PLCB1: variants seen among roughly 807,000 people sequenced by gnomAD.
The protein encoded by PLCB1 is 1-phosphatidylinositol 4,5-bisphosphate phosphodiesterase beta-1.
A neutral mutation model predicts 161.8 loss-of-function variants in PLCB1; 46 were observed. The observed-to-expected ratio is 0.28, with a 90% confidence interval of 0.22 to 0.36. The LOEUF (loss-of-function observed/expected upper bound fraction) is 0.36, where lower values mean the gene tolerates loss of function less well. Among genes scored for constraint, PLCB1 ranks in the 10% least tolerant of loss-of-function variants. The probability of loss-of-function intolerance (pLI) is 1.00; values close to 1 mark genes in which losing one functional copy is unlikely to be tolerated. For missense variants in PLCB1, 1,016 were observed against 1,472.5 expected (o/e 0.69, Z 5.07); for synonymous variants, 517 against 503.7 (o/e 1.03, Z -0.35).
At chr20:8,248,236 A>T (rs1022765180) in intron 2 of PLCB1, among the ~76,000 whole-genome samples, 1 of 151,924 alleles carries the variant, frequency 6.6e-6, no homozygotes, top group African/African-American at 2.4e-5. Context: ...GAGGCAAGGT[A>T]GCTTGGCTTT....
At position 8,382,445 on chromosome 20, in the gene PLCB1, G is replaced by T. The variant is rs912524513; in HGVS notation, c.246+10995G>T. Among the ~76,000 whole-genome samples the T allele has an allele frequency of 7.2e-5, 8 of 111,438 alleles. 1 individual carries two copies. Among genetic ancestry groups the T allele is most frequent in the African/African-American group, 2.7e-4 (8 of 29,758 alleles). 73.1% of individuals were successfully genotyped at this position (111,438 alleles called of 152,430 possible). A position where few individuals can be genotyped will look rare whatever the true frequency, so the allele number is the denominator to read the frequency against. On this transcript the variant is annotated intron_variant, in intron 3 of 31. Transcript: ENST00000338037. Reference sequence around the variant, plus strand: ...CTACAGGTGCCCACCACCACACCTGGCTAATTTTTTTGTATTTTTAGTAGA... The same window carrying T: ...CTACAGGTGCCCACCACCACACCTGTCTAATTTTTTTGTATTTTTAGTAGA...
At chr20:8,238,937 G>C (rs16994534) in intron 2 of PLCB1, among the ~76,000 whole-genome samples, 21,120 of 151,768 alleles carry the variant, frequency 0.14, 1,520 homozygotes, top group Middle Eastern at 0.21. Flanking sequence ...ATGGACTTAA[G>C]AGTGTAGCAT....
intron 31 of PLCB1, among the ~76,000 whole-genome samples, chr20:8,837,007 A>G (rs1986312158): frequency 6.6e-6 from 1 of 152,180 alleles, no homozygotes; most frequent in South Asian, 2.1e-4. Context: ...TGTATTAACT[A>G]GGAAGGAATG....
At chr20:8,868,041 A>T (rs3915507) in intron 31 of PLCB1, among the ~76,000 whole-genome samples, 10 of 151,782 alleles carry the variant, frequency 6.6e-5, no homozygotes, top group African/African-American at 2.4e-4. Flanking sequence ...GTTATAACCC[A>T]AGAGATTTTT....
At chr20:8,714,355 A>T (rs989828769) in intron 12 of PLCB1, among the ~76,000 whole-genome samples, 2 of 152,114 alleles carry the variant, frequency 1.3e-5, no homozygotes, top group Admixed American at 1.3e-4. Context: ...TGCACTCTGG[A>T]ACATGTCGTC....
intron 31 of PLCB1, among the ~76,000 whole-genome samples, chr20:8,823,892 A>T (rs1260202838): frequency 6.6e-6 from 1 of 151,980 alleles, no homozygotes; most frequent in African/African-American, 2.4e-5. Flanking sequence ...CAAGGTCATT[A>T]CAATTGTCTG....
chr20:8,451,243 CA>C (rs1981062496), intron 3 of PLCB1, among the ~76,000 whole-genome samples: 1 of 152,096 alleles, frequency 6.6e-6, no homozygotes, highest in Non-Finnish European at 1.5e-5. Context: ...CAATAAGAAA[CA>C]CAAAAGAGTT....
intron 31 of PLCB1, among the ~76,000 whole-genome samples, chr20:8,817,646 A>AC (rs1412791738): frequency 1.3e-5 from 2 of 152,226 alleles, no homozygotes; most frequent in African/African-American, 4.8e-5. Flanking sequence ...TTAAAAAGGA[A>AC]CCCATCTTTA....
intron 2 of PLCB1, among the ~76,000 whole-genome samples, chr20:8,191,325 T>G (rs967384860): frequency 2.6e-5 from 4 of 152,050 alleles, no homozygotes; most frequent in Non-Finnish European, 4.4e-5. Context: ...ATCAAGACAA[T>G]GAACAACTAT....
At chr20:8,502,021 A>T (rs951744945) in intron 3 of PLCB1, among the ~76,000 whole-genome samples, 2 of 151,290 alleles carry the variant, frequency 1.3e-5, no homozygotes. Context: ...ATTGAAACCA[A>T]TAAAGACATA....
At chr20:8,479,226 A>G (rs1476694232) in intron 3 of PLCB1, among the ~76,000 whole-genome samples, 1 of 152,198 alleles carries the variant, frequency 6.6e-6, no homozygotes, top group Non-Finnish European at 1.5e-5. Flanking sequence ...AGCATTATAG[A>G]ATAGGTGCAA....
intron 2 of PLCB1, among the ~76,000 whole-genome samples, chr20:8,321,151 A>C (rs1047570723): frequency 3.9e-5 from 6 of 152,182 alleles, no homozygotes; most frequent in African/African-American, 1.4e-4. Flanking sequence ...TTAGGTAGTA[A>C]GCTAATTCTG....
At chr20:8,648,041 G>T in intron 6 of PLCB1, 88 bp downstream of exon 6, 1 of 956,280 alleles carries the variant, frequency 1.0e-6, no homozygotes. Context: ...TTCTCCAGCA[G>T]CCTAAGTGGG....
At chr20:8,164,192 T>A (rs1490602953) in intron 2 of PLCB1, among the ~76,000 whole-genome samples, 1 of 152,168 alleles carries the variant, frequency 6.6e-6, no homozygotes, top group Non-Finnish European at 1.5e-5. Context: ...TGGCAAAGGA[T>A]TTTCGTGTCG....
intron 2 of PLCB1, among the ~76,000 whole-genome samples, chr20:8,172,340 G>C (rs774382642): frequency 2.0e-5 from 3 of 152,132 alleles, no homozygotes; most frequent in Non-Finnish European, 4.4e-5. Context: ...TTTAAAGGCC[G>C]TGAGGGATAA....
chr20:8,739,869 A>G (rs1421869029), intron 21 of PLCB1, among the ~76,000 whole-genome samples: 1 of 152,236 alleles, frequency 6.6e-6, no homozygotes, highest in Non-Finnish European at 1.5e-5. Context: ...GCACAAGTCA[A>G]GAAATCACGT....
At chr20:8,295,304 A>G (rs754592978) in intron 2 of PLCB1, among the ~76,000 whole-genome samples, 12 of 152,190 alleles carry the variant, frequency 7.9e-5, no homozygotes, top group Non-Finnish European at 1.3e-4. Context: ...TGTGATACAC[A>G]TATTGCTGAG....
At chr20:8,747,421 G>A (rs1171060453) in intron 23 of PLCB1, among the ~76,000 whole-genome samples, 1 of 152,154 alleles carries the variant, frequency 6.6e-6, no homozygotes, top group Admixed American at 6.5e-5. Context: ...GGCCAAAATT[G>A]TTCACAAGAA....
In PLCB1 at chr20:8,226,879, G is replaced by A. The variant is rs191064712; in HGVS notation, c.177+76508G>A. Among the ~76,000 whole-genome samples the A allele has an allele frequency of 1.7e-4, 26 of 152,186 alleles. No homozygotes were observed. In the East Asian group the frequency reaches 4.8e-3, roughly 28 times the overall value. On this transcript the variant is annotated intron_variant, in intron 2 of 31. Coordinates refer to ENST00000338037, the MANE Select transcript of PLCB1 (RefSeq NM_015192.4). The stretch of plus-strand genomic sequence containing the variant: ...ATTTTTTGTATTTTTAGTAGAGACA[G>A]AGGTTCACCATCTTGGCCAGGCTGG...
Sources: gnomAD v4.1 joint callset for allele counts (sites outside exome capture counted in the v4.1 genomes callset) on GRCh38, gnomAD v4.1.1 for gene constraint, MANE v1.5 for transcripts, NCBI Gene and HGNC (gene_info 2026-07-23, HGNC 2026-07-21) for gene names.